The following CSF1 variants were observed in gnomAD, a reference collection of about 807,000 sequenced individuals.
The protein encoded by CSF1 is colony stimulating factor 1, also known as macrophage colony-stimulating factor 1.
In CSF1, 9 loss-of-function variants were observed where a neutral mutation model predicts 48.9. The ratio of observed to expected loss-of-function variants is 0.18; its 90% CI spans 0.11 to 0.32. The LOEUF is 0.32. Ranked by LOEUF, CSF1 falls within the 10% of genes least tolerant of loss-of-function variation. The pLI, the probability that CSF1 is intolerant of heterozygous loss-of-function variation, is 1.00. For synonymous variants in CSF1, 305 were observed against 284.1 expected, an observed-to-expected ratio of 1.07 and a Z score of -0.74; for missense variants, 672 against 697.9, an observed-to-expected ratio of 0.96 and a Z score of 0.42.
chr1:109,923,633 G>A lies in CSF1; in HGVS notation c.1012G>A (p.Ala338Thr), dbSNP rs774548019. The A allele has an allele frequency of 1.6e-5, 26 of 1,613,876 alleles. No homozygotes were observed. The highest frequency in any genetic ancestry group is 1.6e-4 in the Middle Eastern group (1 of 6,082). ...AGGGGGCAGCATGCAGACAGAGCCC[G>A]CCAGACCCAGCAACTTCCTCTCAGC... ...PGGGSMQTEP[A>T]RPSNFLSASS... is the part of the protein sequence containing the mutation. The change falls in exon 6 of 9, where the codon GCC becomes ACC. Residue 338 changes from alanine to threonine, a missense_variant. Ala to Thr is a moderately conservative substitution (Grantham distance 58). Coordinates refer to ENST00000329608, the MANE Select transcript of CSF1 (RefSeq NM_000757.6).
intron 4 of CSF1, among the ~76,000 whole-genome samples, chr1:109,919,394 T>C (rs1647412111): frequency 6.6e-6 from 1 of 152,182 alleles, no homozygotes; most frequent in Non-Finnish European, 1.5e-5. Context: ...CACCCCACTA[T>C]GCCCAGCTAT....
At chr1:109,913,119 T>C (rs928699976) in intron 1 of CSF1, among the ~76,000 whole-genome samples, 1 of 152,254 alleles carries the variant, frequency 6.6e-6, no homozygotes, top group African/African-American at 2.4e-5. Flanking sequence ...TGGTGATATG[T>C]AGATTAGCAC....
chr1:109,925,027 TG>T lies in CSF1; in HGVS notation c.1623-117del, dbSNP rs1189965602. On this transcript the variant is annotated intron_variant, in intron 7 of 8. Coordinates refer to ENST00000329608, the MANE Select transcript of CSF1 (RefSeq NM_000757.6). Reference sequence around the variant, plus strand: ...ATTTCTCCGTAGAGTTAGACAGTTCTGGGTCTTTTCAATCTGAGAGGGCCTA... The same window carrying T: ...ATTTCTCCGTAGAGTTAGACAGTTCTGGTCTTTTCAATCTGAGAGGGCCTA... 4.5e-6 allele frequency: 5 copies of T among 1,105,552 alleles called. No individual in the cohort carries two copies. In the African/African-American group the frequency reaches 7.7e-5, roughly 17 times the overall value. 68.5% of individuals were successfully genotyped at this position (1,105,552 alleles called of 1,614,324 possible). A position where few individuals can be genotyped will look rare whatever the true frequency, so the allele number is the denominator to read the frequency against.
upstream of CSF1, chr1:109,910,665 G>A (rs1654635076): frequency 4.2e-6 from 1 of 237,414 alleles, no homozygotes; most frequent in Non-Finnish European, 8.5e-6. Context: ...GGGGCTGGCC[G>A]GCCGGCGGGT....
Position 109,924,787 on chromosome 1 carries a change from G to A in CSF1, c.1581G>A (p.Glu527=). 6.3e-7 allele frequency: 1 copy of A among 1,596,518 alleles called. No individual in the cohort carries two copies. The highest frequency in any genetic ancestry group is 8.5e-7 in the Non-Finnish European group (1 of 1,171,508). ...FYRWRRRSHQ[E]PQRADSPLEQ... ...TTTCCTGTCCTCAGAGCCATCAAGA[G>A]CCTCAGAGAGCGGATTCTCCCTTGG... is the stretch of plus-strand genomic sequence containing the variant. The change falls in exon 7 of 9, where the codon GAG becomes GAA. Residue 527 remains glutamate, a synonymous_variant. Transcript: ENST00000329608.
intron 4 of CSF1, among the ~76,000 whole-genome samples, chr1:109,919,099 G>A (rs1019407206): frequency 1.3e-5 from 2 of 152,178 alleles, no homozygotes; most frequent in Non-Finnish European, 2.9e-5. Context: ...ATTTGGCAAC[G>A]TGTCACACAT....
chr1:109,925,063 T>C, intron 7 of CSF1, 84 bp from the exon 8 acceptor site: 2 of 1,296,424 alleles, frequency 1.5e-6, no homozygotes, highest in Non-Finnish European at 2.2e-6. Flanking sequence ...AGAGCATGTC[T>C]GGGGCTTAGG....
rs1647987809 is a variant in CSF1, at chr1:109,929,639, T to C, written c.*801T>C. The stretch of plus-strand genomic sequence containing the variant: ...AGGCTCCCCTCATGAAGGAAGCCAT[T>C]GCACTGTGAACACTGTACCTGCCTG... On this transcript the variant is annotated 3_prime_UTR_variant, in exon 9 of 9. Transcript: ENST00000329608. 6.5e-6 allele frequency: 1 copy of C among 153,226 alleles called. No individual in the cohort carries two copies. The highest frequency in any genetic ancestry group is 1.5e-5 in the Non-Finnish European group (1 of 68,578). 9.5% of individuals were successfully genotyped at this position (153,226 alleles called of 1,614,324 possible). A position where few individuals can be genotyped will look rare whatever the true frequency, so the allele number is the denominator to read the frequency against.
Position 109,910,971 on chromosome 1 carries a change from C to A in CSF1, c.-53C>A. The A allele has an allele frequency of 8.8e-7, 1 of 1,130,006 alleles. No individual in the cohort carries two copies. The highest frequency in any genetic ancestry group is 1.1e-6 in the Non-Finnish European group (1 of 922,292). 70.0% of individuals were successfully genotyped at this position (1,130,006 alleles called of 1,614,324 possible). ...CGCCCACTCCGCAGCAGCCAGCGAG[C>A]GAGCGAGCGAGCGAGGGCGGCCGAC... On this transcript the variant is annotated 5_prime_UTR_variant, in exon 1 of 9. Coordinates refer to ENST00000329608, the MANE Select transcript of CSF1 (RefSeq NM_000757.6).
chr1:109,926,839 G>A (rs1647863012), intron 8 of CSF1: 1 of 152,356 alleles, frequency 6.6e-6, no homozygotes, highest in East Asian at 1.9e-4. Flanking sequence ...GGCAGGGACT[G>A]TCTTCCACTT....
Position 109,924,800 on chromosome 1 carries a change from G to A in CSF1, c.1594G>A (p.Asp532Asn). The A allele has an allele frequency of 6.2e-7, 1 of 1,602,920 alleles. No homozygotes were observed. Among genetic ancestry groups the A allele is most frequent in the Non-Finnish European group, 8.5e-7 (1 of 1,174,702 alleles). Reference sequence around the variant, plus strand: ...GAGCCATCAAGAGCCTCAGAGAGCGGATTCTCCCTTGGAGCAACCAGAGGG... The same window carrying A: ...GAGCCATCAAGAGCCTCAGAGAGCGAATTCTCCCTTGGAGCAACCAGAGGG... ...RRSHQEPQRA[D>N]SPLEQPEGSP... is the part of the protein sequence containing the mutation. The change falls in exon 7 of 9, where the codon GAT (aspartate) becomes AAT (asparagine). Residue 532 changes from aspartate to asparagine, a missense_variant. By Grantham distance (23) the Asp-to-Asn change is conservative. Transcript: ENST00000329608.
intron 1 of CSF1, 141 bp downstream of exon 1, chr1:109,911,203 C>T (rs1654668696): frequency 2.3e-6 from 1 of 433,976 alleles, no homozygotes. Flanking sequence ...GGACGAACCG[C>T]CTTTGCGCAC....
intron 1 of CSF1, among the ~76,000 whole-genome samples, chr1:109,913,266 C>T (rs1654767918): frequency 6.6e-6 from 1 of 152,220 alleles, no homozygotes; most frequent in South Asian, 2.1e-4. Flanking sequence ...ACCCTGCCAG[C>T]ATTTCCCTGA....
intron 8 of CSF1, among the ~76,000 whole-genome samples, chr1:109,927,885 C>A (rs747380806): frequency 8.5e-5 from 13 of 152,256 alleles, no homozygotes; most frequent in Non-Finnish European, 1.8e-4. Flanking sequence ...CAGGCTGGAA[C>A]TCGCTCACTG....
intron 4 of CSF1, among the ~76,000 whole-genome samples, chr1:109,917,779 A>C (rs1236453334): frequency 6.6e-6 from 1 of 152,250 alleles, no homozygotes. Flanking sequence ...TGTTCATTCC[A>C]ACAGCAAGCA....
At chr1:109,924,695 G>A (rs1647756068) in intron 6 of CSF1, 81 bp from the exon 7 acceptor site, 1 of 1,254,584 alleles carries the variant, frequency 8.0e-7, no homozygotes, top group Non-Finnish European at 1.1e-6. Flanking sequence ...ATAAATACCT[G>A]GGGCAGCCCT....
At chr1:109,918,037 C>T (rs1440787952) in intron 4 of CSF1, among the ~76,000 whole-genome samples, 1 of 152,130 alleles carries the variant, frequency 6.6e-6, no homozygotes, top group Non-Finnish European at 1.5e-5. Flanking sequence ...GAACAAGAAC[C>T]TGAAGGGCTC....
At chr1:109,918,414 G>C (rs1388976374) in intron 4 of CSF1, among the ~76,000 whole-genome samples, 1 of 152,196 alleles carries the variant, frequency 6.6e-6, no homozygotes, top group Non-Finnish European at 1.5e-5. Context: ...AGACTGACCT[G>C]GTTGCTATGT....
chr1:109,921,858 A>G lies in CSF1; in HGVS notation c.408A>G (p.Arg136=), dbSNP rs377701597. The stretch of plus-strand genomic sequence containing the variant: ...TGATCTCCTTCCAGGCCTGCGTCCG[A>G]ACTTTCTATGAGACACCTCTCCAGT... ...DYEEHDKACV[R]TFYETPLQLL... The change falls in exon 5 of 9, where the codon CGA becomes CGG. Residue 136 remains arginine, a synonymous_variant. Transcript: ENST00000329608. The G allele has an allele frequency of 1.9e-6, 3 of 1,591,350 alleles. No individual in the cohort carries two copies. The highest frequency in any genetic ancestry group is 2.6e-6 in the Non-Finnish European group (3 of 1,164,948).
Sources: allele counts gnomAD v4.1 joint callset (sites outside exome capture counted in the v4.1 genomes callset), GRCh38; gene constraint gnomAD v4.1.1; transcripts MANE v1.5; gene names NCBI Gene and HGNC (gene_info 2026-07-23, HGNC 2026-07-21).